Variants in LRBA observed in about 807,000 individuals in gnomAD.
LRBA encodes lipopolysaccharide-responsive and beige-like anchor protein.
Under a neutral mutation model 330.0 loss-of-function variants are expected in LRBA, and 176 were observed. That is an observed-to-expected ratio of 0.53 (90% CI 0.47 to 0.60). LRBA has a LOEUF of 0.60. Among genes scored for constraint, LRBA ranks in the 20% least tolerant of loss-of-function variants. The pLI, the probability that LRBA is intolerant of heterozygous loss-of-function variation, is 0.00. For synonymous variants in LRBA, 1,230 were observed against 1,193.0 expected (o/e 1.03, Z -0.64); for missense variants, 3,259 against 3,444.8 (o/e 0.95, Z 1.35).
chr4:150,410,246 C>T (rs977776941), intron 47 of LRBA, among the ~76,000 whole-genome samples: 2 of 151,940 alleles, frequency 1.3e-5, no homozygotes, highest in Non-Finnish European at 2.9e-5. Flanking sequence ...CAAGATTGAC[C>T]TAATTCATTC....
rs550265393 is a variant in LRBA, at chr4:150,879,171, G to A, written c.2166-6416C>T. On this transcript the variant is annotated intron_variant, in intron 17 of 56. Coordinates refer to ENST00000651943, the MANE Select transcript of LRBA (RefSeq NM_001364905.1). The stretch of plus-strand genomic sequence containing the variant: ...GCAACACATCAAAAAGTTAATTCAC[G>A]ATGATCAAGTAGGCTTCATTTCTGG... Among the ~76,000 whole-genome samples, 8 of 152,168 alleles carry A rather than the reference G, an allele frequency of 5.3e-5. No individual in the cohort carries two copies. In the East Asian group the frequency reaches 1.3e-3, roughly 26 times the overall value.
At position 150,587,715 on chromosome 4, in the gene LRBA, C is replaced by T. The variant is rs373710992; in HGVS notation, c.6330+333G>A. Among the ~76,000 whole-genome samples, 43 of 152,054 alleles carry T rather than the reference C, an allele frequency of 2.8e-4. 1 individual carries two copies. In the South Asian group the frequency reaches 9.0e-3, roughly 32 times the overall value. ...AAAGGCTAAACAAAATAATTCCACT[C>T]TCAATCTCACTGAATTTTGTATCTT... On this transcript the variant is annotated intron_variant, in intron 40 of 56. Coordinates refer to ENST00000651943, the MANE Select transcript of LRBA (RefSeq NM_001364905.1).
chr4:150,541,409 C>A (rs1415644201), intron 40 of LRBA, among the ~76,000 whole-genome samples: 7 of 152,170 alleles, frequency 4.6e-5, no homozygotes, highest in Non-Finnish European at 1.0e-4. Flanking sequence ...TGGTTCCTTT[C>A]AAAATTCACA....
At chr4:150,856,641 T>C (rs565315710) in intron 22 of LRBA, among the ~76,000 whole-genome samples, 1 of 152,320 alleles carries the variant, frequency 6.6e-6, no homozygotes, top group East Asian at 1.9e-4. Context: ...ATTCATCCAA[T>C]GGTCTAAAAG....
chr4:150,593,697 A>G (rs1773159140), intron 38 of LRBA, among the ~76,000 whole-genome samples: 1 of 152,188 alleles, frequency 6.6e-6, no homozygotes, highest in African/African-American at 2.4e-5. Context: ...ATTGATGAAC[A>G]TGCCAAACAC....
rs1038497515 is a variant in LRBA at position 150,839,025 on chromosome 4, T to G, written c.4569+5075A>C. Among the ~76,000 whole-genome samples the G allele has an allele frequency of 2.3e-4, 35 of 151,998 alleles. 1 individual carries two copies. The highest frequency in any genetic ancestry group is 1.2e-3 in the Admixed American group (18 of 15,258). ...AGGGCTAATATCCAGAATCTACAAA[T>G]AACTCAAACAAATTTACAAGAAAAA... On this transcript the variant is annotated intron_variant, in intron 28 of 56. Coordinates refer to ENST00000651943, the MANE Select transcript of LRBA (RefSeq NM_001364905.1).
chr4:150,367,824 T>C (rs940567062), intron 47 of LRBA, among the ~76,000 whole-genome samples: 2 of 152,184 alleles, frequency 1.3e-5, no homozygotes, highest in South Asian at 2.1e-4. Flanking sequence ...TTTTAGCTAA[T>C]TCGTTCATAT....
intron 37 of LRBA, among the ~76,000 whole-genome samples, chr4:150,636,121 T>C (rs1581877463): frequency 6.6e-6 from 1 of 151,596 alleles, no homozygotes; most frequent in Non-Finnish European, 1.5e-5. Flanking sequence ...ACTAATGATG[T>C]CCATTTTGAT....
chr4:150,481,674 T>C (rs896866776), intron 42 of LRBA, among the ~76,000 whole-genome samples: 9 of 152,120 alleles, frequency 5.9e-5, no homozygotes, highest in Non-Finnish European at 1.0e-4. Flanking sequence ...GGCTATGATG[T>C]ATGGAGCCCG....
intron 33 of LRBA, among the ~76,000 whole-genome samples, chr4:150,802,990 C>A (rs1741894722): frequency 6.8e-6 from 1 of 146,048 alleles, no homozygotes; most frequent in Non-Finnish European, 1.5e-5. Context: ...CCACTGCACT[C>A]CAGCCTGGGT....
At chr4:150,506,314 T>G (rs1270075373) in intron 40 of LRBA, among the ~76,000 whole-genome samples, 1 of 152,284 alleles carries the variant, frequency 6.6e-6, no homozygotes, top group South Asian at 2.1e-4. Flanking sequence ...TGAACATTGA[T>G]GCAAAAATCC....
chr4:150,694,473 A>AAAAAAAAAAAAAAAAAAAAAAAC (rs1784441006), intron 36 of LRBA, among the ~76,000 whole-genome samples: 1 of 149,996 alleles, frequency 6.7e-6, no homozygotes, highest in Admixed American at 6.6e-5. Context: ...AAAAAAAAAA[A>AAAAAAAAAAAAAAAAAAAAAAAC]AAAGCTATCT....
intron 44 of LRBA, among the ~76,000 whole-genome samples, chr4:150,461,235 A>G (rs1179100661): frequency 6.6e-6 from 1 of 151,826 alleles, no homozygotes; most frequent in African/African-American, 2.4e-5. Context: ...ACATTAAAAC[A>G]GAACCAGCAA....
chr4:150,437,986 T>C (rs1402249347), intron 44 of LRBA, among the ~76,000 whole-genome samples: 1 of 152,210 alleles, frequency 6.6e-6, no homozygotes, highest in African/African-American at 2.4e-5. Flanking sequence ...AGCCTATGCA[T>C]GTACATATCC....
chr4:150,703,121 A>C lies in LRBA; in HGVS notation c.5755-19404T>G, dbSNP rs1214622944. Among the ~76,000 whole-genome samples, 4 of 152,162 alleles carry C rather than the reference A, an allele frequency of 2.6e-5. No individual in the cohort carries two copies. The East Asian group carries it at 7.7e-4, about 29-fold the overall frequency. ...GATTGCAGTGAGCCAAGATCGCACC[A>C]CTACACTCCAACCTAGGCGACAGTG... On this transcript the variant is annotated intron_variant, in intron 36 of 56. Coordinates refer to ENST00000651943, the MANE Select transcript of LRBA (RefSeq NM_001364905.1).
chr4:150,852,315 T>G lies in LRBA; in HGVS notation c.3395A>C (p.Asn1132Thr), dbSNP rs1750710489. 5.0e-6 allele frequency: 8 copies of G among 1,613,940 alleles called. No individual in the cohort carries two copies. Among genetic ancestry groups the G allele is most frequent in the Non-Finnish European group, 6.8e-6 (8 of 1,180,024 alleles). ...TTCAGATGCAGCTGGAGACAAACTG[T>G]TATCTTGGAGCTCTGTGGGTAGATT... ...EANLPTELQD[N>T]SLSPAASEAG... Residue 1132 changes from asparagine to threonine, a missense_variant, in exon 23 of 57, where the codon AAC (asparagine) becomes ACC (threonine). Coordinates refer to ENST00000651943, the MANE Select transcript of LRBA (RefSeq NM_001364905.1).
intron 54 of LRBA, among the ~76,000 whole-genome samples, chr4:150,285,285 T>G (rs1748007622): frequency 6.6e-6 from 1 of 152,202 alleles, no homozygotes; most frequent in Admixed American, 6.5e-5. Context: ...ACTATTATGA[T>G]GGGATAAGTA....
At chr4:150,446,244 G>A (rs765124196) in intron 44 of LRBA, among the ~76,000 whole-genome samples, 53 of 152,190 alleles carry the variant, frequency 3.5e-4, no homozygotes, top group Non-Finnish European at 6.3e-4. Flanking sequence ...AGGCATCTGA[G>A]TTGTAAGGCA....
intron 40 of LRBA, among the ~76,000 whole-genome samples, chr4:150,509,482 C>T (rs1761567575): frequency 6.6e-6 from 1 of 151,260 alleles, no homozygotes; most frequent in South Asian, 2.1e-4. Context: ...TTTTGACATC[C>T]CCTTTAGGAA....
Sources: allele counts gnomAD v4.1 joint callset (sites outside exome capture counted in the v4.1 genomes callset), GRCh38; gene constraint gnomAD v4.1.1; transcripts MANE v1.5; gene names NCBI Gene and HGNC (gene_info 2026-07-23, HGNC 2026-07-21).